The following ADH1A variants were observed in gnomAD, a reference collection of about 807,000 sequenced individuals.
ADH1A encodes the protein alcohol dehydrogenase 1A (class I), alpha polypeptide, also known as alcohol dehydrogenase 1A.
A neutral mutation model predicts 35.2 loss-of-function variants in ADH1A; 29 were observed. The observed-to-expected ratio is 0.82, with a 90% CI of 0.61 to 1.12. The LOEUF is 1.12. Among genes scored for constraint, ADH1A ranks in the 50% most tolerant of loss-of-function variants. ADH1A has a pLI of 0.00. For synonymous variants in ADH1A, 147 were observed against 164.8 expected, an observed-to-expected ratio of 0.89 and a Z score of 0.83; for missense variants, 469 against 464.7, an observed-to-expected ratio of 1.01 and a Z score of -0.09.
At chr4:99,283,900 CCA>C (rs1320119125) in intron 5 of ADH1A, among the ~76,000 whole-genome samples, 2 of 152,156 alleles carry the variant, frequency 1.3e-5, no homozygotes, top group Non-Finnish European at 2.9e-5. Flanking sequence ...GTCTAAGAAT[CCA>C]CAGAGTGGGT....
rs1732871382 is a variant in ADH1A, at chr4:99,276,501, C to T, written c.*123G>A. On this transcript the variant is annotated 3_prime_UTR_variant, in exon 9 of 9. Transcript: ENST00000209668. ...AATTTCCATTTCTTTGGAAAGCCCC[C>T]AAATGTAATTTATTGATAAAATCTG... 17 of 892,202 alleles carry T rather than the reference C, an allele frequency of 1.9e-5. No homozygotes were observed. The South Asian group carries it at 2.4e-4, about 12-fold the overall frequency. The allele number at this position is 892,202 out of a possible 1,614,324, so 55.3% of individuals were successfully genotyped here.
chr4:99,287,758 C>T (rs1733192178), intron 1 of ADH1A, 93 bp from the exon 2 acceptor site: 1 of 1,386,964 alleles, frequency 7.2e-7, no homozygotes, highest in African/African-American at 1.4e-5. Flanking sequence ...AACATCTAAT[C>T]CCATGTCTGG....
chr4:99,288,347 GTGTGTGTGTGTA>G (rs1733208806), intron 1 of ADH1A, among the ~76,000 whole-genome samples: 2 of 152,022 alleles, frequency 1.3e-5, no homozygotes, highest in South Asian at 2.1e-4. Flanking sequence ...GTGTGTGTGT[GTGTGTGTGTGTA>G]TGTGTGTGTG....
In ADH1A at chr4:99,278,273, A is replaced by G. The variant is rs141913988; in HGVS notation, c.1103+1153T>C. Among the ~76,000 whole-genome samples, 604 of 152,220 alleles carry G rather than the reference A, an allele frequency of 4.0e-3. 2 individuals carry two copies. Among genetic ancestry groups the G allele is most frequent in the African/African-American group, 0.014 (565 of 41,564 alleles). On this transcript the variant is annotated intron_variant, in intron 8 of 8. Coordinates refer to ENST00000209668, the MANE Select transcript of ADH1A (RefSeq NM_000667.4). Reference sequence around the variant, plus strand: ...AATGATAATGATGACAATGATAACTAACCTTTGATGGCTACTGTGTTCCAT... The same window carrying G: ...AATGATAATGATGACAATGATAACTGACCTTTGATGGCTACTGTGTTCCAT...
intron 1 of ADH1A, among the ~76,000 whole-genome samples, 157 bp downstream of exon 1, chr4:99,290,740 A>G (rs1485794950): frequency 1.3e-5 from 2 of 152,228 alleles, no homozygotes; most frequent in Non-Finnish European, 2.9e-5. Flanking sequence ...ACTGTAGTTC[A>G]GTATACATTA....
At chr4:99,282,684 C>A in intron 5 of ADH1A, 78 bp from the exon 6 acceptor site, 2 of 1,542,906 alleles carry the variant, frequency 1.3e-6, no homozygotes, top group South Asian at 2.6e-5. Flanking sequence ...AAAAGCTGCT[C>A]AAACTCTTCT....
intron 8 of ADH1A, among the ~76,000 whole-genome samples, chr4:99,276,927 C>T (rs1732883880): frequency 6.6e-6 from 1 of 152,120 alleles, no homozygotes; most frequent in African/African-American, 2.4e-5. Context: ...TTGTTGTGTG[C>T]CCACGTTCCT....
In ADH1A at chr4:99,279,500, C is replaced by T; in HGVS notation, c.1029G>A (p.Leu343=). The stretch of plus-strand genomic sequence containing the variant: ...GTAAAACATGGGTTATTAATGCATC[C>T]AATGAAAACTTCTTAGCCATAAAAT... ...VADFMAKKFS[L]DALITHVLPF... The change falls in exon 8 of 9, where the codon TTG becomes TTA. Residue 343 remains leucine (L), a synonymous_variant. Coordinates refer to ENST00000209668, the MANE Select transcript of ADH1A (RefSeq NM_000667.4). 6.2e-7 allele frequency: 1 copy of T among 1,611,086 alleles called. No homozygotes were observed. The highest frequency in any genetic ancestry group is 1.1e-5 in the South Asian group (1 of 90,294).
chr4:99,287,465 T>C, intron 2 of ADH1A, 99 bp downstream of exon 2: 2 of 1,167,148 alleles, frequency 1.7e-6, no homozygotes, highest in Non-Finnish European at 2.4e-6. Flanking sequence ...AACAAGTATA[T>C]TCTATTTTCT....
chr4:99,288,170 T>G (rs564282333), intron 1 of ADH1A, among the ~76,000 whole-genome samples: 2 of 152,344 alleles, frequency 1.3e-5, no homozygotes, highest in Admixed American at 6.5e-5. Flanking sequence ...TTTCTCTCTC[T>G]TTTCCTATTC....
chr4:99,287,783 T>C lies in ADH1A; in HGVS notation c.19-118A>G, dbSNP rs973253436. On this transcript the variant is annotated intron_variant, in intron 1 of 8. Coordinates refer to ENST00000209668, the MANE Select transcript of ADH1A (RefSeq NM_000667.4). Reference sequence around the variant, plus strand: ...CCCATGTCTGGTACCTAACAAGTGCTCTATAGAAATGATCACCTCTGATTT... The same window carrying C: ...CCCATGTCTGGTACCTAACAAGTGCCCTATAGAAATGATCACCTCTGATTT... 5 of 1,065,382 alleles carry C rather than the reference T, an allele frequency of 4.7e-6. No homozygotes were observed. The African/African-American group carries it at 7.9e-5, about 17-fold the overall frequency. 66.0% of individuals were successfully genotyped at this position (1,065,382 alleles called of 1,614,324 possible). A position where few individuals can be genotyped will look rare whatever the true frequency, so the allele number is the denominator to read the frequency against.
At chr4:99,284,357 A>G in intron 5 of ADH1A, 42 bp downstream of exon 5, 1 of 1,598,310 alleles carries the variant, frequency 6.3e-7, no homozygotes, top group South Asian at 1.1e-5. Flanking sequence ...GGTTCCTGAC[A>G]GTCTGCGTGT....
At chr4:99,286,062 C>T (rs999746127) in intron 3 of ADH1A, among the ~76,000 whole-genome samples, 7 of 137,946 alleles carry the variant, frequency 5.1e-5, no homozygotes, top group African/African-American at 1.1e-4. Context: ...TAGAATTAAA[C>T]ATAATTTTTA....
At chr4:99,280,059 CTT>C in intron 7 of ADH1A, 83 bp downstream of exon 7, 1 of 1,566,394 alleles carries the variant, frequency 6.4e-7, no homozygotes, top group Non-Finnish European at 8.8e-7. Context: ...TTTTGATCTG[CTT>C]TTCAAAACCT....
rs1732944103 is a variant in ADH1A at position 99,279,474 on chromosome 4, G to C, written c.1055C>G (p.Pro352Arg). The change falls in exon 8 of 9, where the codon CCT becomes CGT. Residue 352 changes from proline (P) to arginine (R), a missense_variant. Pro to Arg is a moderately radical substitution (Grantham distance 103). Transcript: ENST00000209668. ...AAATCCTTCATTTATTTTTTCAAAA[G>C]GTAAAACATGGGTTATTAATGCATC... ...SLDALITHVL[P>R]FEKINEGFDL... 2 of 1,608,762 alleles carry C rather than the reference G, an allele frequency of 1.2e-6. No homozygotes were observed. The highest frequency in any genetic ancestry group is 2.7e-5 in the African/African-American group (2 of 74,630).
chr4:99,279,995 G>C lies in ADH1A; in HGVS notation c.964+149C>G. 5 of 1,158,778 alleles carry C rather than the reference G, an allele frequency of 4.3e-6. No homozygotes were observed. In the South Asian group the frequency reaches 6.5e-5, roughly 15 times the overall value. The allele number at this position is 1,158,778 out of a possible 1,614,324, so 71.8% of individuals were successfully genotyped here. On this transcript the variant is annotated intron_variant, in intron 7 of 8. Coordinates refer to ENST00000209668, the MANE Select transcript of ADH1A (RefSeq NM_000667.4). ...ATTTTGGGACCTTCTGCCTGCATTA[G>C]TTCCATATCTAGTTGATTTGGAGAC... is the stretch of plus-strand genomic sequence containing the variant.
In ADH1A at chr4:99,286,553, G is replaced by A. The variant is rs531366191; in HGVS notation, c.259+297C>T. Reference sequence around the variant, plus strand: ...ACACGGAAGTTACTAGATTATGAATGCCACACTAGTAGGCACTGTGTCCCT... The same window carrying A: ...ACACGGAAGTTACTAGATTATGAATACCACACTAGTAGGCACTGTGTCCCT... On this transcript the variant is annotated intron_variant, in intron 3 of 8. Transcript: ENST00000209668. 59 of 325,866 alleles carry A rather than the reference G, an allele frequency of 1.8e-4. No individual in the cohort carries two copies. The South Asian group carries it at 2.4e-3, about 13-fold the overall frequency. 20.2% of individuals were successfully genotyped at this position (325,866 alleles called of 1,614,324 possible). A position where few individuals can be genotyped will look rare whatever the true frequency, so the allele number is the denominator to read the frequency against.
intron 8 of ADH1A, among the ~76,000 whole-genome samples, chr4:99,278,900 T>TA (rs1732929508): frequency 2.0e-5 from 3 of 151,892 alleles, no homozygotes; most frequent in South Asian, 2.1e-4. Context: ...CTTTTATTGA[T>TA]AAAAAAATTT....
intron 3 of ADH1A, 27 bp downstream of exon 3, chr4:99,286,823 C>G: frequency 6.2e-7 from 1 of 1,611,252 alleles, no homozygotes; most frequent in African/African-American, 1.3e-5. Flanking sequence ...GGTGAACCAT[C>G]ATGTTTCCTG....
Sources: gnomAD v4.1 joint callset for allele counts (sites outside exome capture counted in the v4.1 genomes callset) on GRCh38, gnomAD v4.1.1 for gene constraint, MANE v1.5 for transcripts, NCBI Gene and HGNC (gene_info 2026-07-23, HGNC 2026-07-21) for gene names.